Variants in CSMD1 observed in about 807,000 individuals in gnomAD.
CSMD1 encodes the protein CUB and Sushi multiple domains 1, also known as CUB and sushi domain-containing protein 1.
Under a neutral mutation model 417.5 loss-of-function variants are expected in CSMD1, and 213 were observed. That is an observed-to-expected ratio of 0.51 (90% CI 0.46 to 0.57). CSMD1 has a LOEUF of 0.57. CSMD1 is among the 20% of genes least tolerant of loss of function. The pLI is 0.00. For missense variants in CSMD1, 6,923 were observed against 4,529.7 expected (o/e 1.53, Z -15.17); for synonymous variants, 2,862 against 1,736.8 (o/e 1.65, Z -16.11).
chr8:3,227,352 C>G (rs867575539), intron 27 of CSMD1, among the ~76,000 whole-genome samples: 1 of 151,996 alleles, frequency 6.6e-6, no homozygotes. Flanking sequence ...GAGTCGAAAT[C>G]ATGCCCCTGC....
intron 1 of CSMD1, among the ~76,000 whole-genome samples, chr8:4,905,012 A>G (rs1380877190): frequency 6.6e-6 from 1 of 152,182 alleles, no homozygotes; most frequent in Non-Finnish European, 1.5e-5. Flanking sequence ...ACTCTAAGGT[A>G]GTGTGACAGT....
intron 6 of CSMD1, among the ~76,000 whole-genome samples, chr8:3,711,518 C>T (rs1801508262): frequency 6.6e-6 from 1 of 152,218 alleles, no homozygotes; most frequent in Admixed American, 6.5e-5. Context: ...CAGAGAGGGA[C>T]TTGCTCTGGT....
intron 1 of CSMD1, among the ~76,000 whole-genome samples, chr8:4,720,876 G>C (rs114437918): frequency 1.3e-5 from 2 of 152,098 alleles, no homozygotes; most frequent in African/African-American, 4.8e-5. Flanking sequence ...TCCTAGTGCC[G>C]TCTCTGGTAC....
intron 5 of CSMD1, among the ~76,000 whole-genome samples, chr8:3,903,888 A>G (rs1168605257): frequency 6.6e-6 from 1 of 151,428 alleles, no homozygotes; most frequent in African/African-American, 2.4e-5. Context: ...ATATTTTTTT[A>G]CCTCCACAGG....
intron 8 of CSMD1, among the ~76,000 whole-genome samples, chr8:3,602,400 A>C (rs915303310): frequency 1.2e-4 from 18 of 152,172 alleles, no homozygotes; most frequent in African/African-American, 4.3e-4. Flanking sequence ...GATTCTGAAG[A>C]GATTTTAAAG....
At chr8:4,564,734 GGATCT>G (rs1216574638) in intron 2 of CSMD1, among the ~76,000 whole-genome samples, 1 of 152,118 alleles carries the variant, frequency 6.6e-6, no homozygotes, top group Non-Finnish European at 1.5e-5. Flanking sequence ...GCATTTTGAT[GGATCT>G]GAACATGGAG....
intron 3 of CSMD1, among the ~76,000 whole-genome samples, chr8:4,109,508 G>A (rs1279671621): frequency 6.6e-6 from 1 of 152,158 alleles, no homozygotes; most frequent in Non-Finnish European, 1.5e-5. Flanking sequence ...GCATGAATAA[G>A]TAGACTTATT....
chr8:4,696,177 C>A (rs1033158179), intron 1 of CSMD1, among the ~76,000 whole-genome samples: 1 of 152,098 alleles, frequency 6.6e-6, no homozygotes, highest in Non-Finnish European at 1.5e-5. Context: ...TGTTTTAAAG[C>A]CAGTGCACAT....
chr8:3,987,744 A>G (rs1814440341), intron 5 of CSMD1, among the ~76,000 whole-genome samples: 1 of 152,194 alleles, frequency 6.6e-6, no homozygotes, highest in Non-Finnish European at 1.5e-5. Context: ...GCAAAATGGA[A>G]TGTAAATATT....
intron 1 of CSMD1, among the ~76,000 whole-genome samples, chr8:4,690,368 T>A (rs1229300119): frequency 6.6e-6 from 1 of 152,152 alleles, no homozygotes; most frequent in Non-Finnish European, 1.5e-5. Flanking sequence ...TAGTTTTGAA[T>A]GAGTAAATGG....
chr8:3,175,433 C>T, intron 37 of CSMD1, among the ~76,000 whole-genome samples: 1 of 148,302 alleles, frequency 6.7e-6, no homozygotes, highest in East Asian at 2.0e-4. Context: ...TTCTTTCATC[C>T]CTCCCTTCCC....
At chr8:3,155,524 C>A (rs1002251850) in intron 39 of CSMD1, among the ~76,000 whole-genome samples, 1 of 151,420 alleles carries the variant, frequency 6.6e-6, no homozygotes, top group African/African-American at 2.4e-5. Context: ...GTCGCCACCA[C>A]GCCCAGCTAA....
At chr8:4,419,460 A>T (rs577991897) in intron 3 of CSMD1, among the ~76,000 whole-genome samples, 53 of 152,296 alleles carry the variant, frequency 3.5e-4, no homozygotes, top group African/African-American at 1.3e-3. Flanking sequence ...GAAGACATGA[A>T]AACAAATAAG....
At chr8:3,248,381 A>C (rs1038840592) in intron 26 of CSMD1, among the ~76,000 whole-genome samples, 9 of 152,180 alleles carry the variant, frequency 5.9e-5, no homozygotes, top group African/African-American at 1.9e-4. Context: ...AAATTACATA[A>C]TCTTCCCACC....
At chr8:4,420,499 G>T (rs1797187423) in intron 2 of CSMD1, among the ~76,000 whole-genome samples, 4 of 152,034 alleles carry the variant, frequency 2.6e-5, no homozygotes. Flanking sequence ...AGCCCAGCAT[G>T]CATTATCTAT....
At chr8:4,348,541 A>G (rs185060080) in intron 3 of CSMD1, among the ~76,000 whole-genome samples, 1 of 148,506 alleles carries the variant, frequency 6.7e-6, no homozygotes, top group African/African-American at 2.5e-5. Context: ...TGTATCACAA[A>G]TAAAAGTGTG....
intron 26 of CSMD1, among the ~76,000 whole-genome samples, chr8:3,279,737 G>A (rs992920019): frequency 1.3e-5 from 2 of 152,096 alleles, no homozygotes; most frequent in Admixed American, 6.6e-5. Flanking sequence ...TGAAGGGGAA[G>A]CAAAGCACCT....
intron 3 of CSMD1, among the ~76,000 whole-genome samples, chr8:4,390,497 T>TTTTTTAATTTATTTATTTA (rs58291340): frequency 3.6e-5 from 5 of 140,324 alleles, no homozygotes; most frequent in African/African-American, 8.1e-5. Flanking sequence ...AAGCGTCCAT[T>TTTTTTAATTTATTTATTTA]TTTATTTATT....
At chr8:2,940,995 C>T (rs1410829315) in intron 69 of CSMD1, among the ~76,000 whole-genome samples, 3 of 152,156 alleles carry the variant, frequency 2.0e-5, no homozygotes, top group African/African-American at 7.2e-5. Context: ...ATCATGGCAT[C>T]TTATTGGAGA....
Sources: allele counts gnomAD v4.1 joint callset (sites outside exome capture counted in the v4.1 genomes callset), GRCh38; gene constraint gnomAD v4.1.1; transcripts MANE v1.5; gene names NCBI Gene and HGNC (gene_info 2026-07-23, HGNC 2026-07-21).